Variants in HMBOX1 observed in about 807,000 individuals in gnomAD.
The protein encoded by HMBOX1 is homeobox containing 1.
In HMBOX1, 14 loss-of-function variants were observed where a neutral mutation model predicts 54.5. The ratio of observed to expected loss-of-function variants is 0.26; its 90% CI spans 0.17 to 0.40. The LOEUF (loss-of-function observed/expected upper bound fraction) is 0.40, where lower values mean the gene tolerates loss of function less well. Ranked by LOEUF, HMBOX1 falls within the 10% of genes least tolerant of loss-of-function variation. The probability of loss-of-function intolerance (pLI) is 1.00; values close to 1 mark genes in which losing one functional copy is unlikely to be tolerated. For synonymous variants in HMBOX1, 160 were observed against 181.0 expected (o/e 0.88, Z 0.93); for missense variants, 332 against 514.4 (o/e 0.65, Z 3.43).
At chr8:28,996,916 T>G (rs1258727203) in intron 4 of HMBOX1, among the ~76,000 whole-genome samples, 4 of 152,208 alleles carry the variant, frequency 2.6e-5, no homozygotes, top group Non-Finnish European at 5.9e-5. Context: ...AGTTAATGGA[T>G]AGAAATAAGG....
chr8:28,916,905 C>T (rs1816666805), intron 1 of HMBOX1, among the ~76,000 whole-genome samples: 1 of 151,752 alleles, frequency 6.6e-6, no homozygotes, highest in Non-Finnish European at 1.5e-5. Context: ...TTTGTCTCTA[C>T]AAAATATAAA....
chr8:29,021,020 C>A (rs1036309541), intron 6 of HMBOX1, among the ~76,000 whole-genome samples: 10 of 151,874 alleles, frequency 6.6e-5, no homozygotes, highest in African/African-American at 2.4e-4. Context: ...ACAAAAAATT[C>A]AAAAAATATC....
chr8:28,920,305 A>G (rs1002321013), intron 1 of HMBOX1, among the ~76,000 whole-genome samples: 33 of 152,202 alleles, frequency 2.2e-4, no homozygotes, highest in African/African-American at 8.0e-4. Context: ...GTACTATGGT[A>G]GGGCCTTGGA....
intron 4 of HMBOX1, among the ~76,000 whole-genome samples, chr8:28,998,485 T>A (rs1180973720): frequency 6.6e-6 from 1 of 152,100 alleles, no homozygotes; most frequent in Non-Finnish European, 1.5e-5. Flanking sequence ...CATTTGGTTA[T>A]TTTTATATGA....
At chr8:28,965,090 T>G (rs1489384897) in intron 2 of HMBOX1, among the ~76,000 whole-genome samples, 1 of 152,262 alleles carries the variant, frequency 6.6e-6, no homozygotes, top group Non-Finnish European at 1.5e-5. Context: ...AGATGTCTAA[T>G]AGTTACTGAA....
intron 4 of HMBOX1, among the ~76,000 whole-genome samples, chr8:29,007,526 A>G (rs1251456074): frequency 6.6e-6 from 1 of 152,102 alleles, no homozygotes; most frequent in African/African-American, 2.4e-5. Context: ...TGAAATTGAA[A>G]GATTTTTCCA....
intron 3 of HMBOX1, among the ~76,000 whole-genome samples, chr8:28,973,818 T>TTTTTTTGTTTTG (rs1827903067): frequency 4.7e-5 from 6 of 128,746 alleles, no homozygotes; most frequent in African/African-American, 6.7e-5. Context: ...TTTTTTTTTT[T>TTTTTTTGTTTTG]TTTTTTTTTT....
At chr8:28,989,440 C>A (rs968768340) in intron 4 of HMBOX1, among the ~76,000 whole-genome samples, 2 of 151,832 alleles carry the variant, frequency 1.3e-5, no homozygotes, top group Non-Finnish European at 2.9e-5. Context: ...TATAGAGATC[C>A]AGTTGTTGGA....
chr8:28,986,978 G>T (rs1003642582), intron 4 of HMBOX1, among the ~76,000 whole-genome samples: 2 of 152,018 alleles, frequency 1.3e-5, no homozygotes, highest in African/African-American at 4.8e-5. Context: ...ATTTTTTGTT[G>T]TTTGAAAATC....
chr8:28,965,220 G>T (rs937975147), intron 2 of HMBOX1, among the ~76,000 whole-genome samples: 9 of 152,216 alleles, frequency 5.9e-5, no homozygotes, highest in African/African-American at 2.2e-4. Context: ...TTAAATGAAT[G>T]ATTTTTGTCT....
intron 1 of HMBOX1, among the ~76,000 whole-genome samples, chr8:28,943,636 G>A (rs1821869646): frequency 6.6e-6 from 1 of 152,152 alleles, no homozygotes; most frequent in African/African-American, 2.4e-5. Flanking sequence ...CCAAAGTGAC[G>A]TATTTTGGGG....
intron 3 of HMBOX1, among the ~76,000 whole-genome samples, chr8:28,978,766 AAC>A (rs1219281790): frequency 5.9e-4 from 87 of 147,794 alleles, no homozygotes; most frequent in Non-Finnish European, 1.1e-3. Context: ...CAGCCCGAGC[AAC>A]AGAGTGAGAC....
At position 28,904,679 on chromosome 8, in the gene HMBOX1, A is replaced by G. The variant is rs374021615; in HGVS notation, c.-58+14001A>G. On this transcript the variant is annotated intron_variant, in intron 1 of 9. Transcript: ENST00000287701. ...ACTTTTAATAGAAACAACTCTTCAC[A>G]CTCTTTTTTTTTTTTGAGATGGAGT... 1.4e-3 allele frequency among the ~76,000 whole-genome samples: 196 copies of G among 138,448 alleles called. 3 individuals carry two copies. In the South Asian group the frequency reaches 0.022, roughly 16 times the overall value. 90.8% of individuals were successfully genotyped at this position (138,448 alleles called of 152,430 possible). A position where few individuals can be genotyped will look rare whatever the true frequency, so the allele number is the denominator to read the frequency against.
intron 6 of HMBOX1, among the ~76,000 whole-genome samples, chr8:29,019,411 G>T (rs536002241): frequency 6.7e-6 from 1 of 148,292 alleles, no homozygotes; most frequent in African/African-American, 2.5e-5. Context: ...GCACTCAGTG[G>T]TTTTTTTTTT....
At chr8:29,021,924 G>A (rs1435396103) in intron 6 of HMBOX1, among the ~76,000 whole-genome samples, 2 of 150,948 alleles carry the variant, frequency 1.3e-5, no homozygotes, top group Non-Finnish European at 2.9e-5. Flanking sequence ...AAACTACATT[G>A]AGATACTATT....
At chr8:29,001,580 AAACAAAACAAAAC>A in intron 4 of HMBOX1, among the ~76,000 whole-genome samples, 1 of 149,970 alleles carries the variant, frequency 6.7e-6, no homozygotes, top group East Asian at 1.9e-4. Context: ...AAACAAAACA[AAACAAAACAAAAC>A]AAGACATTTA....
At chr8:29,003,545 T>A (rs1200947156) in intron 4 of HMBOX1, among the ~76,000 whole-genome samples, 4 of 134,058 alleles carry the variant, frequency 3.0e-5, no homozygotes, top group Admixed American at 7.6e-5. Flanking sequence ...TATTAAATTT[T>A]TCTGTATTAA....
At chr8:28,934,069 T>C (rs1224710957) in intron 1 of HMBOX1, among the ~76,000 whole-genome samples, 1 of 152,080 alleles carries the variant, frequency 6.6e-6, no homozygotes, top group East Asian at 1.9e-4. Context: ...AATAAAATAT[T>C]AGAAAATGAT....
chr8:28,922,697 T>C (rs1817759623), intron 1 of HMBOX1, among the ~76,000 whole-genome samples: 1 of 152,210 alleles, frequency 6.6e-6, no homozygotes, highest in Non-Finnish European at 1.5e-5. Flanking sequence ...TCTTAAATTA[T>C]TCTTAATCTG....
Sources: gnomAD v4.1 joint callset for allele counts (sites outside exome capture counted in the v4.1 genomes callset) on GRCh38, gnomAD v4.1.1 for gene constraint, MANE v1.5 for transcripts, NCBI Gene and HGNC (gene_info 2026-07-23, HGNC 2026-07-21) for gene names.